DAW1: variants seen among roughly 807,000 people sequenced by gnomAD.
DAW1 encodes the protein dynein assembly factor with WD repeats 1.
A neutral mutation model predicts 56.5 loss-of-function variants in DAW1; 47 were observed. The observed-to-expected ratio is 0.83, with a 90% CI of 0.66 to 1.06. The LOEUF is 1.06. Among genes scored for constraint, DAW1 ranks in the 50% least tolerant of loss-of-function variants. The pLI, the probability that DAW1 is intolerant of heterozygous loss-of-function variation, is 0.00. For synonymous variants in DAW1, 190 were observed against 179.0 expected (o/e 1.06, Z -0.49); for missense variants, 505 against 499.3 (o/e 1.01, Z -0.11).
At chr2:227,921,919 G>A (rs1229854088) in intron 12 of DAW1, among the ~76,000 whole-genome samples, 2 of 152,168 alleles carry the variant, frequency 1.3e-5, no homozygotes, top group Non-Finnish European at 2.9e-5. Flanking sequence ...CAATCTCAGT[G>A]CTTTGAGAGG....
chr2:227,896,869 ATGAAT>A (rs1433813842), intron 5 of DAW1, among the ~76,000 whole-genome samples: 30 of 152,006 alleles, frequency 2.0e-4, no homozygotes, highest in Non-Finnish European at 8.8e-5. Flanking sequence ...GAATGGAAAA[ATGAAT>A]TGAGGGAACT....
intron 10 of DAW1, among the ~76,000 whole-genome samples, chr2:227,910,575 TTGGACAATGATG>T (rs1270319963): frequency 6.6e-6 from 1 of 151,972 alleles, no homozygotes; most frequent in Non-Finnish European, 1.5e-5. Flanking sequence ...TTGAAATGTA[TTGGACAATGATG>T]TGTGATGTTA....
At chr2:227,880,945 T>C (rs772671049) in intron 1 of DAW1, among the ~76,000 whole-genome samples, 2 of 152,182 alleles carry the variant, frequency 1.3e-5, no homozygotes, top group African/African-American at 2.4e-5. Flanking sequence ...TACCGATGAA[T>C]TTAATGTAAG....
At chr2:227,894,424 A>G (rs1392958561) in intron 5 of DAW1, among the ~76,000 whole-genome samples, 1 of 152,106 alleles carries the variant, frequency 6.6e-6, no homozygotes, top group Non-Finnish European at 1.5e-5. Flanking sequence ...TTAAAAAAAA[A>G]AGAATACAAG....
At chr2:227,879,751 CTGAT>C (rs1186414791) in intron 1 of DAW1, among the ~76,000 whole-genome samples, 1 of 152,018 alleles carries the variant, frequency 6.6e-6, no homozygotes, top group Non-Finnish European at 1.5e-5. Flanking sequence ...AAAAATCCAA[CTGAT>C]TATTACATCA....
chr2:227,880,620 T>A (rs1690988986), intron 1 of DAW1, among the ~76,000 whole-genome samples: 1 of 152,250 alleles, frequency 6.6e-6, no homozygotes, highest in African/African-American at 2.4e-5. Flanking sequence ...AAAGCATTTT[T>A]AATTACTTTT....
intron 10 of DAW1, among the ~76,000 whole-genome samples, chr2:227,913,839 A>G (rs1187100245): frequency 6.6e-6 from 1 of 151,688 alleles, no homozygotes; most frequent in African/African-American, 2.4e-5. Context: ...ACATTACAAC[A>G]TGTCTACACC....
intron 1 of DAW1, among the ~76,000 whole-genome samples, chr2:227,883,970 A>C (rs566001237): frequency 1.3e-5 from 2 of 152,268 alleles, no homozygotes; most frequent in African/African-American, 4.8e-5. Context: ...GGTGATCCTG[A>C]AGCCAAATTT....
chr2:227,877,315 A>T (rs1016979891), intron 1 of DAW1, among the ~76,000 whole-genome samples: 1 of 152,158 alleles, frequency 6.6e-6, no homozygotes, highest in Non-Finnish European at 1.5e-5. Flanking sequence ...ATCACACCCA[A>T]CTAATTTTAG....
At position 227,897,728 on chromosome 2, in the gene DAW1, C is replaced by G. The variant is rs545133249; in HGVS notation, c.441-454C>G. Among the ~76,000 whole-genome samples the G allele has an allele frequency of 4.6e-5, 7 of 152,276 alleles. No individual in the cohort carries two copies. The East Asian group carries it at 1.3e-3, about 29-fold the overall frequency. Reference sequence around the variant, plus strand: ...CATTATTTCCTTAAGAGGACAAGCACCGTCTAAATTCTCAAAACCTTATTA... The same window carrying G: ...CATTATTTCCTTAAGAGGACAAGCAGCGTCTAAATTCTCAAAACCTTATTA... On this transcript the variant is annotated intron_variant, in intron 5 of 12. Coordinates refer to ENST00000309931, the MANE Select transcript of DAW1 (RefSeq NM_178821.3).
chr2:227,881,743 C>CTTTTTT (rs541800966), intron 1 of DAW1, among the ~76,000 whole-genome samples: 5 of 78,608 alleles, frequency 6.4e-5, no homozygotes, highest in Non-Finnish European at 9.3e-5. Flanking sequence ...CTGCCACATT[C>CTTTTTT]TTTTTTTTTT....
intron 1 of DAW1, among the ~76,000 whole-genome samples, chr2:227,879,379 T>C (rs933549996): frequency 6.6e-6 from 1 of 152,186 alleles, no homozygotes; most frequent in African/African-American, 2.4e-5. Context: ...TCTTTGTAAG[T>C]TGACCGCTCC....
In DAW1 at chr2:227,886,552, G is replaced by A. The variant is rs570466799; in HGVS notation, c.113+1129G>A. 1.2e-3 allele frequency among the ~76,000 whole-genome samples: 183 copies of A among 152,148 alleles called. 3 individuals carry two copies. The highest frequency in any genetic ancestry group is 2.6e-3 in the Admixed American group (40 of 15,274). ...GAATTGCTTGAACCCAGGAGGCAGA[G>A]GTTGCAGTGAGCTGAGATCGCGGTG... On this transcript the variant is annotated intron_variant, in intron 2 of 12. Coordinates refer to ENST00000309931, the MANE Select transcript of DAW1 (RefSeq NM_178821.3).
chr2:227,906,126 T>C, intron 8 of DAW1, 110 bp from the exon 9 acceptor site: 1 of 735,608 alleles, frequency 1.4e-6, no homozygotes, highest in Non-Finnish European at 2.1e-6. Flanking sequence ...TATTATTTTG[T>C]AAAAACCAGA....
intron 9 of DAW1, among the ~76,000 whole-genome samples, 172 bp from the exon 10 acceptor site, chr2:227,906,966 C>G (rs1691698013): frequency 6.6e-6 from 1 of 152,136 alleles, no homozygotes; most frequent in Non-Finnish European, 1.5e-5. Flanking sequence ...TGGCTGTGGT[C>G]TCTGGTCATG....
At chr2:227,907,289 AT>A in intron 10 of DAW1, 37 bp downstream of exon 10, 8 of 1,539,024 alleles carry the variant, frequency 5.2e-6, no homozygotes, top group Non-Finnish European at 7.1e-6. Context: ...TTTTGGAGAG[AT>A]TTATGCTTTG....
At chr2:227,910,210 G>A (rs903458325) in intron 10 of DAW1, among the ~76,000 whole-genome samples, 5 of 151,884 alleles carry the variant, frequency 3.3e-5, no homozygotes, top group Non-Finnish European at 5.9e-5. Context: ...TCAACACTTC[G>A]GGAGGCCAAG....
intron 5 of DAW1, among the ~76,000 whole-genome samples, chr2:227,894,266 G>A (rs192037706): frequency 2.0e-5 from 3 of 152,102 alleles, no homozygotes; most frequent in South Asian, 2.1e-4. Flanking sequence ...CTGGGCTAAT[G>A]TATGTAATGT....
At chr2:227,917,684 G>A (rs1691995295) in intron 10 of DAW1, among the ~76,000 whole-genome samples, 1 of 149,906 alleles carries the variant, frequency 6.7e-6, no homozygotes, top group Admixed American at 6.7e-5. Flanking sequence ...GTAGATCTGT[G>A]CAGGACATTC....
Sources: gnomAD v4.1 joint callset for allele counts (sites outside exome capture counted in the v4.1 genomes callset) on GRCh38, gnomAD v4.1.1 for gene constraint, MANE v1.5 for transcripts, NCBI Gene and HGNC (gene_info 2026-07-23, HGNC 2026-07-21) for gene names.